The following PLCG2 variants were observed in gnomAD, a reference collection of about 807,000 sequenced individuals.
PLCG2 encodes 1-phosphatidylinositol 4,5-bisphosphate phosphodiesterase gamma-2.
A neutral mutation model predicts 175.6 loss-of-function variants in PLCG2; 69 were observed. The ratio of observed to expected loss-of-function variants is 0.39; its 90% confidence interval spans 0.32 to 0.48. The LOEUF (loss-of-function observed/expected upper bound fraction) is 0.48. PLCG2 is among the 20% of genes least tolerant of loss of function. The pLI is 0.91. For synonymous variants in PLCG2, 827 were observed against 624.0 expected, an observed-to-expected ratio of 1.33 and a Z score of -4.85; for missense variants, 1,798 against 1,650.9, an observed-to-expected ratio of 1.09 and a Z score of -1.54.
intron 7 of PLCG2, among the ~76,000 whole-genome samples, 191 bp from the exon 8 acceptor site, chr16:81,880,719 G>A (rs1908036428): frequency 6.6e-6 from 1 of 152,122 alleles, no homozygotes; most frequent in African/African-American, 2.4e-5. Context: ...GGAATGAGGA[G>A]GGCTTCTACC....
chr16:81,893,113 C>G (rs1908715878), intron 11 of PLCG2, among the ~76,000 whole-genome samples: 1 of 152,184 alleles, frequency 6.6e-6, no homozygotes, highest in Admixed American at 6.5e-5. Context: ...CCCGCCTCAG[C>G]CTGCCAAAGT....
rs1173675944 is a variant in PLCG2, at chr16:81,786,034, G to A, written c.45G>A (p.Lys15=). ...TAGATTCCCTTGCGGAATATGAGAA[G>A]AGCCAGATCAAGAGAGCCCTGGAGC... ...VNVDSLAEYE[K]SQIKRALELG... The change falls in exon 2 of 33, where the codon AAG becomes AAA. Residue 15 remains lysine (K), a synonymous_variant. Coordinates refer to ENST00000564138, the MANE Select transcript of PLCG2 (RefSeq NM_002661.5). The A allele has an allele frequency of 6.2e-7, 1 of 1,614,088 alleles. No homozygotes were observed. Among genetic ancestry groups the A allele is most frequent in the Non-Finnish European group, 8.5e-7 (1 of 1,180,044 alleles).
At chr16:81,929,676 A>G (rs79254873) in intron 24 of PLCG2, among the ~76,000 whole-genome samples, 1 of 152,250 alleles carries the variant, frequency 6.6e-6, no homozygotes, top group African/African-American at 2.4e-5. Flanking sequence ...GATTACAGGC[A>G]TGTGCCACCA....
intron 26 of PLCG2, chr16:81,935,419 G>C (rs1046844987): frequency 2.3e-6 from 1 of 440,562 alleles, no homozygotes; most frequent in Non-Finnish European, 3.0e-6. Flanking sequence ...CATCTTTGGG[G>C]GCCATTTAAA....
rs905853142 is a variant in PLCG2 at position 81,958,287 on chromosome 16, A to C, written c.*289A>C. The C allele has an allele frequency of 2.8e-5, 12 of 427,642 alleles. No homozygotes were observed. The highest frequency in any genetic ancestry group is 1.3e-5 in the Non-Finnish European group (3 of 236,986). 26.5% of individuals were successfully genotyped at this position (427,642 alleles called of 1,614,324 possible). On this transcript the variant is annotated 3_prime_UTR_variant, in exon 33 of 33. Transcript: ENST00000564138. The stretch of plus-strand genomic sequence containing the variant: ...AACCTCATTGAATAAAAGCAATGAA[A>C]ACCTTGATCAATTAAGCCTTCTGTT...
At chr16:81,952,080 A>C (rs1402551509) in intron 31 of PLCG2, among the ~76,000 whole-genome samples, 1 of 152,142 alleles carries the variant, frequency 6.6e-6, no homozygotes, top group Non-Finnish European at 1.5e-5. Flanking sequence ...TGATACTGAC[A>C]AAAACCATAA....
chr16:81,876,379 C>T (rs1597368160), intron 7 of PLCG2, among the ~76,000 whole-genome samples: 1 of 152,130 alleles, frequency 6.6e-6, no homozygotes. Flanking sequence ...ATGGTTTCTA[C>T]AGCCTAAGTA....
At chr16:81,804,801 C>G (rs898275337) in intron 2 of PLCG2, among the ~76,000 whole-genome samples, 3 of 152,184 alleles carry the variant, frequency 2.0e-5, no homozygotes, top group Non-Finnish European at 2.9e-5. Context: ...TAAGAGGAAC[C>G]TGGAGAAATG....
At chr16:81,786,242 T>C in intron 2 of PLCG2, 60 bp downstream of exon 2, 7 of 1,354,080 alleles carry the variant, frequency 5.2e-6, no homozygotes, top group Non-Finnish European at 7.3e-6. Context: ...CCTGAGCACC[T>C]GTCCACCTTC....
intron 28 of PLCG2, chr16:81,938,567 T>C (rs1910811006): frequency 5.5e-6 from 3 of 549,178 alleles, no homozygotes; most frequent in Non-Finnish European, 9.7e-6. Context: ...TTTTACCTGT[T>C]GAGTCAGGTG....
At chr16:81,871,115 C>A (rs962203079) in intron 7 of PLCG2, among the ~76,000 whole-genome samples, 180 bp downstream of exon 7, 5 of 152,088 alleles carry the variant, frequency 3.3e-5, no homozygotes, top group African/African-American at 1.2e-4. Context: ...ATTCTTTAAC[C>A]ATGACAGAGC....
chr16:81,923,448 C>A (rs771035429), intron 21 of PLCG2, 37 bp from the exon 22 acceptor site: 2 of 1,377,128 alleles, frequency 1.5e-6, no homozygotes, highest in South Asian at 2.3e-5. Flanking sequence ...CCCTCCTGTC[C>A]CTGGCCTGAC....
chr16:81,960,860 G>C lies in PLCG2; in HGVS notation c.*2862G>C. ...AATACACAGACTCCAGTACTCTCAG[G>C]GGAGCAGTGTTCAGAGCCTCATCTT... On this transcript the variant is annotated 3_prime_UTR_variant, in exon 33 of 33. Transcript: ENST00000564138. 1 of 230,012 alleles carries C rather than the reference G, an allele frequency of 4.3e-6. No homozygotes were observed. Among genetic ancestry groups the C allele is most frequent in the Non-Finnish European group, 8.6e-6 (1 of 116,048 alleles). The allele number at this position is 230,012 out of a possible 1,614,324, so 14.2% of individuals were successfully genotyped here.
Position 81,804,010 on chromosome 16 carries a change from G to A in PLCG2, c.193+17828G>A, listed in dbSNP as rs143566139. 2.6e-5 allele frequency among the ~76,000 whole-genome samples: 4 copies of A among 152,312 alleles called. No individual in the cohort carries two copies. The East Asian group carries it at 7.7e-4, about 29-fold the overall frequency. On this transcript the variant is annotated intron_variant, in intron 2 of 32. Transcript: ENST00000564138. ...TTTGGTTATTGTGAATAATACTGCG[G>A]TGGACATTCATGTACAAGTTTTTGT...
At chr16:81,828,377 A>G (rs1905129656) in intron 2 of PLCG2, among the ~76,000 whole-genome samples, 1 of 150,238 alleles carries the variant, frequency 6.7e-6, no homozygotes, top group African/African-American at 2.5e-5. Flanking sequence ...TCCTGGGACT[A>G]CAGGTGCCTG....
At chr16:81,850,475 C>T (rs1247249553) in intron 2 of PLCG2, among the ~76,000 whole-genome samples, 1 of 152,040 alleles carries the variant, frequency 6.6e-6, no homozygotes, top group Non-Finnish European at 1.5e-5. Flanking sequence ...TGAAGAGTGG[C>T]GACATGTCCA....
chr16:81,904,388 A>C (rs979461833), intron 14 of PLCG2, among the ~76,000 whole-genome samples: 3 of 152,214 alleles, frequency 2.0e-5, no homozygotes, highest in Non-Finnish European at 4.4e-5. Flanking sequence ...ACCAGGTTAC[A>C]TGACCCTCAA....
intron 31 of PLCG2, among the ~76,000 whole-genome samples, chr16:81,950,143 C>G (rs879927121): frequency 5.9e-5 from 9 of 152,094 alleles, no homozygotes; most frequent in South Asian, 2.1e-4. Context: ...TAAGAACTTA[C>G]ATTTAATTTG....
At chr16:81,912,341 C>G (rs1567529502) in intron 18 of PLCG2, among the ~76,000 whole-genome samples, 1 of 152,254 alleles carries the variant, frequency 6.6e-6, no homozygotes, top group Non-Finnish European at 1.5e-5. Flanking sequence ...GCTGGGATTT[C>G]AGGTGTGAAC....
Sources: gnomAD v4.1 joint callset for allele counts (sites outside exome capture counted in the v4.1 genomes callset) on GRCh38, gnomAD v4.1.1 for gene constraint, MANE v1.5 for transcripts, NCBI Gene and HGNC (gene_info 2026-07-23, HGNC 2026-07-21) for gene names.